The following KNG1 variants were observed in gnomAD, a reference collection of about 807,000 sequenced individuals.
KNG1 encodes kininogen-1.
KNG1 carries 23 observed loss-of-function variants against 47.8 expected under a neutral mutation model. The observed-to-expected ratio is 0.48, with a 90% confidence interval of 0.35 to 0.68. The LOEUF (loss-of-function observed/expected upper bound fraction) is 0.68, where lower values mean the gene tolerates loss of function less well. Ranked by LOEUF, KNG1 falls within the 30% of genes least tolerant of loss-of-function variation. KNG1 has a pLI of 0.01. For synonymous variants in KNG1, 277 were observed against 277.0 expected (o/e 1.00, Z 0.00); for missense variants, 762 against 790.2 (o/e 0.96, Z 0.43).
In KNG1 at chr3:186,722,416, ATC is replaced by A; in HGVS notation, c.307-17_307-16del. On this transcript the variant is annotated intron_variant, in intron 2 of 9. Coordinates refer to ENST00000644859, the MANE Select transcript of KNG1 (RefSeq NM_001102416.3). ...CCCATCTGAAAGATTAAGATAAATG[ATC>A]TCTTTCTTTTCTTTTTAGGCCACTG... 1.3e-6 allele frequency: 2 copies of A among 1,580,112 alleles called. No homozygotes were observed. The highest frequency in any genetic ancestry group is 1.7e-6 in the Non-Finnish European group (2 of 1,149,358).
intron 7 of KNG1, 129 bp from the exon 8 acceptor site, chr3:186,738,970 C>CT (rs1196085492): frequency 1.3e-6 from 1 of 793,556 alleles, no homozygotes; most frequent in Non-Finnish European, 2.1e-6. Context: ...CAAACGTGTA[C>CT]TTTTTTGTAT....
At chr3:186,741,141 G>A (rs1159902256) in intron 9 of KNG1, among the ~76,000 whole-genome samples, 1 of 151,972 alleles carries the variant, frequency 6.6e-6, no homozygotes. Context: ...TTACAGGCAT[G>A]TGCCACCATG....
intron 5 of KNG1, chr3:186,728,330 G>A (rs1201371824): frequency 6.6e-6 from 1 of 151,968 alleles, no homozygotes; most frequent in Non-Finnish European, 1.5e-5. Flanking sequence ...CATTTATATG[G>A]GAAATCCAGA....
At chr3:186,725,690 G>A (rs577299704) in intron 4 of KNG1, among the ~76,000 whole-genome samples, 17 of 147,626 alleles carry the variant, frequency 1.2e-4, no homozygotes, top group Middle Eastern at 3.6e-3. Context: ...GACTACAGGC[G>A]CCCGCCACCA....
At chr3:186,731,410 G>A (rs956641937) in intron 5 of KNG1, 135 bp from the exon 6 acceptor site, 2 of 663,438 alleles carry the variant, frequency 3.0e-6, no homozygotes, top group East Asian at 2.8e-5. Context: ...GTAAGACTAT[G>A]TTTTGCTTCT....
At position 186,741,905 on chromosome 3, in the gene KNG1, C is replaced by A; in HGVS notation, c.1509C>A (p.His503Gln). 1 of 1,613,950 alleles carries A rather than the reference C, an allele frequency of 6.2e-7. No homozygotes were observed. The highest frequency in any genetic ancestry group is 8.5e-7 in the Non-Finnish European group (1 of 1,179,992). ...HGHKHKHGHG[H>Q]GKHKNKGKKN... ...ATAAGCATAAGCATGGTCATGGCCA[C>A]GGAAAACATAAAAATAAAGGCAAAA... Residue 503 changes from histidine to glutamine, a missense_variant, in exon 10 of 10, where the codon CAC (histidine) becomes CAA (glutamine). Physicochemically the swap from His to Gln is conservative, Grantham distance 24. Transcript: ENST00000644859.
chr3:186,725,356 T>C (rs1720329694), intron 4 of KNG1, 96 bp downstream of exon 4: 15 of 1,223,052 alleles, frequency 1.2e-5, no homozygotes, highest in Non-Finnish European at 1.8e-5. Context: ...GGTGTTTTCA[T>C]GTGACTAGCA....
Position 186,731,574 on chromosome 3 carries a change from C to T in KNG1, c.702C>T (p.Tyr234=), listed in dbSNP as rs1334096568. 3 of 1,611,172 alleles carry T rather than the reference C, an allele frequency of 1.9e-6. No homozygotes were observed. Among genetic ancestry groups the T allele is most frequent in the Non-Finnish European group, 2.5e-6 (3 of 1,177,340 alleles). The change falls in exon 6 of 10, where the codon TAC becomes TAT. Residue 234 remains tyrosine (Y), a synonymous_variant. Transcript: ENST00000644859. ...GDTGECTDNA[Y]IDIQLRIASF... ...CCGGTGAATGTACAGATAATGCATA[C>T]ATCGATATTCAGCTACGAATTGCTT... is the stretch of plus-strand genomic sequence containing the variant.
Position 186,742,421 on chromosome 3 carries a change from G to C in KNG1, c.*90G>C. On this transcript the variant is annotated 3_prime_UTR_variant, in exon 10 of 10. Coordinates refer to ENST00000644859, the MANE Select transcript of KNG1 (RefSeq NM_001102416.3). ...CCAGATGAAAATATCCTGATATAAT[G>C]CACCAAAAACCATGCAGCTTCGGAA... 1 of 1,581,284 alleles carries C rather than the reference G, an allele frequency of 6.3e-7. No individual in the cohort carries two copies. The highest frequency in any genetic ancestry group is 2.3e-5 in the East Asian group (1 of 43,756).
chr3:186,727,335 T>G lies in KNG1; in HGVS notation c.663T>G (p.Leu221=). 6.2e-7 allele frequency: 1 copy of G among 1,607,578 alleles called. No individual in the cohort carries two copies. Among genetic ancestry groups the G allele is most frequent in the Non-Finnish European group, 8.5e-7 (1 of 1,174,110 alleles). The change falls in exon 5 of 10, where the codon CTT becomes CTG. Residue 221 remains leucine (L), a synonymous_variant. Coordinates refer to ENST00000644859, the MANE Select transcript of KNG1 (RefSeq NM_001102416.3). The stretch of plus-strand genomic sequence containing the variant: ...TCTTAACTCCAGACTGCAAGTCCCT[T>G]TGGAATGGTGTAAGTAGGCAAAAAT... The part of the protein sequence containing the change: ...FLFLTPDCKS[L]WNGDTGECTD...
At position 186,720,784 on chromosome 3, in the gene KNG1, C is replaced by CTTTTTTTTTTT. The variant is rs1167537831; in HGVS notation, c.306+582_306+592dup. 1.7e-4 allele frequency among the ~76,000 whole-genome samples: 15 copies of CTTTTTTTTTTT among 89,752 alleles called. 1 individual carries two copies. The highest frequency in any genetic ancestry group is 9.6e-4 in the South Asian group (2 of 2,076). The allele number at this position is 89,752 out of a possible 152,430, so 58.9% of individuals were successfully genotyped here. A position where few individuals can be genotyped will look rare whatever the true frequency, so the allele number is the denominator to read the frequency against. On this transcript the variant is annotated intron_variant, in intron 2 of 9. Coordinates refer to ENST00000644859, the MANE Select transcript of KNG1 (RefSeq NM_001102416.3). ...CACACCATAGCTGGTTGTTGTTTTG[C>CTTTTTTTTTTT]TTTTTTTTTTTTTTTTTTTTTTTGA... is the stretch of plus-strand genomic sequence containing the variant.
chr3:186,720,112 C>G lies in KNG1; in HGVS notation c.203C>G (p.Ser68Cys), dbSNP rs776129227. ...TCTTTGGCTGCTTTTCAGGTTGGCT[C>G]TGACACGTTTTATTCCTTCAAGTAC... Reference protein sequence around the residue: ...RITEATKTVGSDTFYSFKYEI... With the variant: ...RITEATKTVGCDTFYSFKYEI... The change falls in exon 2 of 10, where the codon TCT becomes TGT. Residue 68 changes from serine to cysteine, a missense_variant. Coordinates refer to ENST00000644859, the MANE Select transcript of KNG1 (RefSeq NM_001102416.3). 1.2e-6 allele frequency: 2 copies of G among 1,612,586 alleles called. No homozygotes were observed. Among genetic ancestry groups the G allele is most frequent in the Non-Finnish European group, 1.7e-6 (2 of 1,178,608 alleles).
chr3:186,723,217 TA>T (rs1329730961), intron 3 of KNG1, among the ~76,000 whole-genome samples: 3 of 152,118 alleles, frequency 2.0e-5, no homozygotes, highest in Admixed American at 2.0e-4. Context: ...TAAGTCAGGG[TA>T]TTTGGGGTAT....
At position 186,725,079 on chromosome 3, in the gene KNG1, T is replaced by C. The variant is rs745540634; in HGVS notation, c.392-9T>C. 1.9e-6 allele frequency: 3 copies of C among 1,613,968 alleles called. No individual in the cohort carries two copies. In the Admixed American group the frequency reaches 5.0e-5, roughly 27 times the overall value. ...ATTAATGCTGTGTTTTTGTCTGCTC[T>C]TTGTTAAGCCGAGGGCCCTGTGGTG... On this transcript the variant is annotated splice_polypyrimidine_tract_variant and intron_variant, in intron 3 of 9. Coordinates refer to ENST00000644859, the MANE Select transcript of KNG1 (RefSeq NM_001102416.3).
At chr3:186,728,578 T>G (rs1720433354) in intron 5 of KNG1, 1 of 152,208 alleles carries the variant, frequency 6.6e-6, no homozygotes, top group Non-Finnish European at 1.5e-5. Flanking sequence ...GTAAAATAAA[T>G]GTAAATACAA....
rs117775890 is a variant in KNG1 at position 186,723,631 on chromosome 3, G to T, written c.391+1110G>T. 7.9e-5 allele frequency among the ~76,000 whole-genome samples: 12 copies of T among 151,910 alleles called. No individual in the cohort carries two copies. The East Asian group carries it at 2.3e-3, about 29-fold the overall frequency. The stretch of plus-strand genomic sequence containing the variant: ...GTTTACGGCCAAATACTATTTCATT[G>T]TGAGTATATACCACAATTTCTTTCT... On this transcript the variant is annotated intron_variant, in intron 3 of 9. Coordinates refer to ENST00000644859, the MANE Select transcript of KNG1 (RefSeq NM_001102416.3).
intron 3 of KNG1, 121 bp from the exon 4 acceptor site, chr3:186,724,967 T>C: frequency 9.6e-7 from 1 of 1,041,708 alleles, no homozygotes; most frequent in Admixed American, 2.2e-5. Context: ...CGCCTCAGCC[T>C]CCCAAAGTGC....
rs1281978489 is a variant in KNG1, at chr3:186,743,605, A to G, written c.*1274A>G. 1.2e-6 allele frequency: 1 copy of G among 822,260 alleles called. No individual in the cohort carries two copies. Among genetic ancestry groups the G allele is most frequent in the African/African-American group, 1.7e-5 (1 of 59,406 alleles). The allele number at this position is 822,260 out of a possible 1,614,324, so 50.9% of individuals were successfully genotyped here. A position where few individuals can be genotyped will look rare whatever the true frequency, so the allele number is the denominator to read the frequency against. On this transcript the variant is annotated 3_prime_UTR_variant, in exon 10 of 10. Coordinates refer to ENST00000644859, the MANE Select transcript of KNG1 (RefSeq NM_001102416.3). Reference sequence around the variant, plus strand: ...TCTGTTCTTTTAAATAAACAACCACAGATGTCAGGAAAAAGTCTTACCTTG... The same window carrying G: ...TCTGTTCTTTTAAATAAACAACCACGGATGTCAGGAAAAAGTCTTACCTTG...
At chr3:186,729,872 A>G (rs1720466354) in intron 5 of KNG1, among the ~76,000 whole-genome samples, 1 of 152,116 alleles carries the variant, frequency 6.6e-6, no homozygotes, top group African/African-American at 2.4e-5. Context: ...AGGTTTCTCC[A>G]TGTTGGTCAG....
Sources: allele counts gnomAD v4.1 joint callset (sites outside exome capture counted in the v4.1 genomes callset), GRCh38; gene constraint gnomAD v4.1.1; transcripts MANE v1.5; gene names NCBI Gene and HGNC (gene_info 2026-07-23, HGNC 2026-07-21).